Variants in C10orf67 observed in about 807,000 individuals in gnomAD.
C10orf67 encodes the protein uncharacterized protein C10orf67, mitochondrial.
In C10orf67, 60 loss-of-function variants were observed where a neutral mutation model predicts 35.6. That is an observed-to-expected ratio of 1.68 (90% CI 1.37 to 2.09). The LOEUF is 2.09. Ranked by LOEUF, C10orf67 falls within the 30% of genes most tolerant of loss-of-function variation. The pLI is 0.00. For missense variants in C10orf67, 474 were observed against 330.2 expected (o/e 1.44, Z -3.38); for synonymous variants, 167 against 115.8 (o/e 1.44, Z -2.84).
intron 4 of C10orf67, chr10:23,316,760 C>T (rs1002478184): frequency 6.6e-6 from 1 of 152,312 alleles, no homozygotes; most frequent in Non-Finnish European, 1.5e-5. Flanking sequence ...ATCTGTTCAG[C>T]TCTTAGCTGA....
chr10:23,210,765 T>C (rs949427620), intron 15 of C10orf67, among the ~76,000 whole-genome samples: 28 of 152,182 alleles, frequency 1.8e-4, no homozygotes, highest in Admixed American at 2.0e-4. Flanking sequence ...ACTTGCTATC[T>C]GCTAGGAAAG....
intron 15 of C10orf67, among the ~76,000 whole-genome samples, chr10:23,212,307 CTGTGGTTGAAGCCACCTGGTT>C (rs1313133377): frequency 1.3e-5 from 2 of 152,210 alleles, no homozygotes; most frequent in Non-Finnish European, 2.9e-5. Context: ...ATATTAATTT[CTGTGGTTGAAGCCACCTGGTT>C]TGTGGTAGCT....
At position 23,288,205 on chromosome 10, in the gene C10orf67, A is replaced by C. The variant is rs577435823; in HGVS notation, c.909+1695T>G. Among the ~76,000 whole-genome samples the C allele has an allele frequency of 2.1e-4, 32 of 152,364 alleles. No individual in the cohort carries two copies. The South Asian group carries it at 2.7e-3, about 13-fold the overall frequency. On this transcript the variant is annotated intron_variant, in intron 7 of 15. Transcript: ENST00000636213. ...TGCAGCATTATTTACAATAGCAAAG[A>C]CATGAAACCAACCCAAATGCCCATC...
chr10:23,220,282 G>A (rs1841543377), intron 15 of C10orf67, among the ~76,000 whole-genome samples: 1 of 152,164 alleles, frequency 6.6e-6, no homozygotes, highest in African/African-American at 2.4e-5. Context: ...GCTTTAGCTT[G>A]GGATTATACT....
rs188942157 is a variant in C10orf67 at position 23,217,908 on chromosome 10, C to T, written c.1570+5690G>A. ...TTGCAAATTCAAAGTAATTACCTGC[C>T]TATTTATTTCAAAGATTAACACTGT... On this transcript the variant is annotated intron_variant, in intron 15 of 15. Coordinates refer to ENST00000636213, the MANE Select transcript of C10orf67 (RefSeq NM_001371909.1). Among the ~76,000 whole-genome samples, 5 of 152,238 alleles carry T rather than the reference C, an allele frequency of 3.3e-5. No individual in the cohort carries two copies. In the East Asian group the frequency reaches 7.7e-4, roughly 23 times the overall value.
rs771615363 is a variant in C10orf67, at chr10:23,333,083, T to G, written c.306A>C (p.Ser102=). The change falls in exon 2 of 16, where the codon TCA becomes TCC. Residue 102 remains serine, a synonymous_variant. Transcript: ENST00000636213. ...SEILSVKELS[S]STQKLAQMMK... ...TTACCTGTGCTAACTTTTGCGTAGA[T>G]GAACTCAATTCTTTTACTGACAGTA... 1 of 1,612,326 alleles carries G rather than the reference T, an allele frequency of 6.2e-7. No individual in the cohort carries two copies. Among genetic ancestry groups the G allele is most frequent in the Non-Finnish European group, 8.5e-7 (1 of 1,179,154 alleles).
intron 1 of C10orf67, among the ~76,000 whole-genome samples, chr10:23,334,710 A>G (rs2132399251): frequency 6.6e-6 from 1 of 152,350 alleles, no homozygotes; most frequent in Admixed American, 6.5e-5. Context: ...AGAGGGAGAC[A>G]TTAGGAAGGG....
At chr10:23,329,886 A>C (rs1480135464) in intron 2 of C10orf67, among the ~76,000 whole-genome samples, 2 of 152,076 alleles carry the variant, frequency 1.3e-5, no homozygotes, top group Non-Finnish European at 2.9e-5. Flanking sequence ...CAATAAAATA[A>C]TAGCAAATAA....
intron 15 of C10orf67, among the ~76,000 whole-genome samples, chr10:23,222,196 C>T (rs183706757): frequency 6.6e-5 from 10 of 152,180 alleles, no homozygotes; most frequent in Non-Finnish European, 1.2e-4. Flanking sequence ...AAGGGAGTGA[C>T]GGTGTTTGTT....
chr10:23,233,434 A>G (rs1841964933), intron 13 of C10orf67, among the ~76,000 whole-genome samples: 1 of 152,222 alleles, frequency 6.6e-6, no homozygotes. Context: ...GAAAAGACTC[A>G]AATTCATGGT....
intron 4 of C10orf67, chr10:23,317,931 C>T (rs1844790754): frequency 6.8e-6 from 1 of 148,100 alleles, no homozygotes; most frequent in Admixed American, 6.8e-5. Context: ...GATCCCATGT[C>T]ATATATATAT....
At chr10:23,317,305 G>A (rs1030847657) in intron 4 of C10orf67, 3 of 152,578 alleles carry the variant, frequency 2.0e-5, no homozygotes, top group East Asian at 1.9e-4. Flanking sequence ...GGAGAGGCCA[G>A]GCAGCAGGAG....
intron 5 of C10orf67, among the ~76,000 whole-genome samples, chr10:23,297,336 T>C (rs1042281196): frequency 1.5e-4 from 23 of 152,156 alleles, no homozygotes; most frequent in African/African-American, 5.5e-4. Context: ...AATATTTCCC[T>C]AATGGCTTCC....
intron 4 of C10orf67, among the ~76,000 whole-genome samples, chr10:23,314,066 T>C (rs1844597363): frequency 6.6e-6 from 1 of 152,176 alleles, no homozygotes; most frequent in Non-Finnish European, 1.5e-5. Flanking sequence ...CTCACGCCTA[T>C]AATCTCAGCG....
At chr10:23,249,202 G>A (rs895762201) in intron 12 of C10orf67, among the ~76,000 whole-genome samples, 3 of 149,366 alleles carry the variant, frequency 2.0e-5, no homozygotes, top group African/African-American at 7.4e-5. Context: ...GAAGAATAGG[G>A]TAAATCCCGT....
chr10:23,265,553 G>T (rs1842865415), intron 10 of C10orf67, among the ~76,000 whole-genome samples: 1 of 152,240 alleles, frequency 6.6e-6, no homozygotes, highest in African/African-American at 2.4e-5. Context: ...ACAATTCACA[G>T]TGTCCACAGA....
intron 12 of C10orf67, among the ~76,000 whole-genome samples, chr10:23,243,982 C>T (rs111442663): frequency 1.3e-3 from 192 of 152,306 alleles, no homozygotes; most frequent in African/African-American, 4.5e-3. Context: ...GCCTTGACCT[C>T]GTGGGTCCAG....
chr10:23,217,071 A>G (rs1040947892), intron 15 of C10orf67, among the ~76,000 whole-genome samples: 3 of 152,146 alleles, frequency 2.0e-5, no homozygotes, highest in African/African-American at 7.2e-5. Context: ...TTTTGGATGA[A>G]CTCTAGCTTA....
intron 7 of C10orf67, among the ~76,000 whole-genome samples, chr10:23,286,693 A>G (rs1279703272): frequency 4.6e-5 from 7 of 151,832 alleles, no homozygotes; most frequent in Non-Finnish European, 4.4e-5. Flanking sequence ...AAAACTGGTG[A>G]TGGTTCCCTG....
Sources: gnomAD v4.1 joint callset for allele counts (sites outside exome capture counted in the v4.1 genomes callset) on GRCh38, gnomAD v4.1.1 for gene constraint, MANE v1.5 for transcripts, NCBI Gene and HGNC (gene_info 2026-07-23, HGNC 2026-07-21) for gene names.